Variants in NEBL observed in about 807,000 individuals in gnomAD.
NEBL encodes the protein nebulette.
Under a neutral mutation model 140.2 loss-of-function variants are expected in NEBL, and 122 were observed. The ratio of observed to expected loss-of-function variants is 0.87; its 90% CI spans 0.75 to 1.01. The LOEUF is 1.01. Among genes scored for constraint, NEBL ranks in the 50% least tolerant of loss-of-function variants. The pLI, the probability that NEBL is intolerant of heterozygous loss-of-function variation, is 0.00. For synonymous variants in NEBL, 436 were observed against 398.9 expected (o/e 1.09, Z -1.11); for missense variants, 1,365 against 1,231.3 (o/e 1.11, Z -1.62).
At chr10:20,876,280 A>G (rs928617086) in intron 5 of NEBL, among the ~76,000 whole-genome samples, 1 of 152,222 alleles carries the variant, frequency 6.6e-6, no homozygotes, top group Middle Eastern at 3.2e-3. Context: ...TATAGTTGAT[A>G]AAAGTTGTCT....
rs1170225891 is a variant in NEBL, at chr10:21,166,219, CAAAAAAAAAA to C, written c.164+6154_164+6163del. Among the ~76,000 whole-genome samples, 10 of 35,378 alleles carry C rather than the reference CAAAAAAAAAA, an allele frequency of 2.8e-4. 1 individual carries two copies. Among genetic ancestry groups the C allele is most frequent in the African/African-American group, 7.5e-4 (9 of 12,066 alleles). 23.2% of individuals were successfully genotyped at this position (35,378 alleles called of 152,430 possible). ...TGGGCGACAGAGCGAGACTGTGTCT[CAAAAAAAAAA>C]AAAAAAAAAAAAAAAAGAAAAGAAA... On this transcript the variant is annotated intron_variant, in intron 2 of 6. Coordinates refer to the NEBL transcript ENST00000417816.
intron 4 of NEBL, among the ~76,000 whole-genome samples, chr10:20,939,710 C>T (rs986105008): frequency 2.0e-5 from 3 of 151,996 alleles, no homozygotes; most frequent in African/African-American, 4.8e-5. Flanking sequence ...CAGAGACACA[C>T]ATAGGCTCAA....
chr10:21,220,831 T>C (rs140117413), intron 3 of NEBL, among the ~76,000 whole-genome samples: 2 of 152,274 alleles, frequency 1.3e-5, no homozygotes, highest in East Asian at 1.9e-4. Context: ...AATTTTAAAA[T>C]GGACAAAGGA....
At position 20,785,679 on chromosome 10, in the gene NEBL, C is replaced by A. The variant is rs1835347451; in HGVS notation, c.*68G>T. ...AATGGCCAAGTTGTCTTAAAAGTATCTTCTATCTTTTAAAAAGATTAGGTT... is the reference window on the plus strand; with the variant it reads ...AATGGCCAAGTTGTCTTAAAAGTATATTCTATCTTTTAAAAAGATTAGGTT... On this transcript the variant is annotated 3_prime_UTR_variant, in exon 28 of 28. Transcript: ENST00000377122. 3 of 1,522,468 alleles carry A rather than the reference C, an allele frequency of 2.0e-6. No individual in the cohort carries two copies. Among genetic ancestry groups the A allele is most frequent in the Non-Finnish European group, 2.7e-6 (3 of 1,114,894 alleles). The allele number at this position is 1,522,468 out of a possible 1,614,324, so 94.3% of individuals were successfully genotyped here.
At chr10:21,073,683 C>T (rs1275146372) in intron 2 of NEBL, among the ~76,000 whole-genome samples, 1 of 151,856 alleles carries the variant, frequency 6.6e-6, no homozygotes, top group Non-Finnish European at 1.5e-5. Context: ...CCACTGCTCC[C>T]TACTCCCAAA....
Position 20,819,424 on chromosome 10 carries a change from C to T in NEBL, c.2055G>A (p.Ala685=), listed in dbSNP as rs746081261. 7.4e-5 allele frequency: 119 copies of T among 1,613,832 alleles called. No homozygotes were observed. In the South Asian group the frequency reaches 1.1e-3, roughly 15 times the overall value. The stretch of plus-strand genomic sequence containing the variant: ...ATAAAAGGAAACAGAAACGACTTGC[C>T]GCACTCAGCTGCTCCTGGTTTCGCC... ...RVRRNQEQLS[A]VKYKGELQRG... The change falls in exon 20 of 28, where the codon GCG becomes GCA. Residue 685 remains alanine (A), a splice_region_variant and synonymous_variant. Coordinates refer to ENST00000377122, the MANE Select transcript of NEBL (RefSeq NM_006393.3).
chr10:20,927,257 C>T (rs939712454), intron 4 of NEBL, among the ~76,000 whole-genome samples: 1 of 152,180 alleles, frequency 6.6e-6, no homozygotes, highest in East Asian at 1.9e-4. Flanking sequence ...AACATCATAG[C>T]CGACTATGAA....
chr10:21,267,131 T>A (rs1842806690), intron 1 of NEBL, among the ~76,000 whole-genome samples: 1 of 152,094 alleles, frequency 6.6e-6, no homozygotes, highest in Non-Finnish European at 1.5e-5. Flanking sequence ...CTCGCCACCA[T>A]GCCCAGGTAA....
intron 2 of NEBL, among the ~76,000 whole-genome samples, chr10:20,892,537 C>G (rs144249479): frequency 1.3e-5 from 2 of 152,248 alleles, no homozygotes; most frequent in Non-Finnish European, 2.9e-5. Flanking sequence ...TTAGAGTTTT[C>G]CTGTTTTTAC....
rs1028679319 is a variant in NEBL at position 20,781,425 on chromosome 10, T to C, written c.*4322A>G. ...ATCAAGTTTCACACCATGCCTGTAA[T>C]AGACTTGGTGCTGCTTCCTAAATGC... On this transcript the variant is annotated 3_prime_UTR_variant, in exon 28 of 28. Transcript: ENST00000377122. 6.6e-6 allele frequency: 1 copy of C among 152,236 alleles called. No homozygotes were observed. Among genetic ancestry groups the C allele is most frequent in the Non-Finnish European group, 1.5e-5 (1 of 68,040 alleles). 9.4% of individuals were successfully genotyped at this position (152,236 alleles called of 1,614,324 possible). A position where few individuals can be genotyped will look rare whatever the true frequency, so the allele number is the denominator to read the frequency against.
chr10:20,944,910 A>G (rs1835081542), intron 4 of NEBL, among the ~76,000 whole-genome samples: 1 of 152,220 alleles, frequency 6.6e-6, no homozygotes, highest in African/African-American at 2.4e-5. Context: ...AGAGGCCACA[A>G]GATCCCATAT....
rs144337477 is a variant in NEBL at position 20,872,872 on chromosome 10, C to T, written c.481-3031G>A. 1.7e-3 allele frequency among the ~76,000 whole-genome samples: 261 copies of T among 152,278 alleles called. 2 individuals are homozygous for T. Among genetic ancestry groups the T allele is most frequent in the African/African-American group, 6.0e-3 (248 of 41,552 alleles). On this transcript the variant is annotated intron_variant, in intron 5 of 27. Transcript: ENST00000377122. ...AAAGGGGAGGCATGAATAATCCACC[C>T]CTTGTTTAGCATATCATCAAGAAAT...
chr10:21,292,521 C>T (rs1433637287), intron 1 of NEBL, among the ~76,000 whole-genome samples: 3 of 152,108 alleles, frequency 2.0e-5, no homozygotes, highest in Admixed American at 6.6e-5. Flanking sequence ...AAGTAACATT[C>T]GGGACTTTTT....
At chr10:20,944,037 AC>A (rs749662734) in intron 4 of NEBL, among the ~76,000 whole-genome samples, 2 of 152,262 alleles carry the variant, frequency 1.3e-5, no homozygotes, top group African/African-American at 2.4e-5. Context: ...CTTATGGTTC[AC>A]CATCTAACTT....
At chr10:21,252,040 G>A (rs976383680) in intron 1 of NEBL, among the ~76,000 whole-genome samples, 7 of 152,030 alleles carry the variant, frequency 4.6e-5, no homozygotes, top group Non-Finnish European at 1.0e-4. Flanking sequence ...CCCGCCCTCC[G>A]CTTCTCTTCA....
intron 3 of NEBL, among the ~76,000 whole-genome samples, chr10:20,981,645 G>A (rs1348442080): frequency 6.6e-6 from 1 of 152,056 alleles, no homozygotes; most frequent in Non-Finnish European, 1.5e-5. Context: ...TCAGTGACTT[G>A]TTCAGCCATG....
intron 2 of NEBL, among the ~76,000 whole-genome samples, chr10:21,076,112 CA>C (rs34700082): frequency 6.6e-6 from 1 of 151,348 alleles, no homozygotes; most frequent in Non-Finnish European, 1.5e-5. Flanking sequence ...ACAGCTATTA[CA>C]AAAAAAACTG....
intron 3 of NEBL, among the ~76,000 whole-genome samples, chr10:21,240,796 A>G (rs1447981573): frequency 6.6e-6 from 1 of 152,116 alleles, no homozygotes; most frequent in Non-Finnish European, 1.5e-5. Flanking sequence ...AGGATAAGTA[A>G]GTAAAATTGT....
chr10:20,837,156 G>A (rs556585034), intron 13 of NEBL, among the ~76,000 whole-genome samples: 1 of 152,072 alleles, frequency 6.6e-6, no homozygotes, highest in Non-Finnish European at 1.5e-5. Context: ...GTGAGGAAAG[G>A]ATGTCAAAAG....
Sources: gnomAD v4.1 joint callset for allele counts (sites outside exome capture counted in the v4.1 genomes callset) on GRCh38, gnomAD v4.1.1 for gene constraint, MANE v1.5 for transcripts, NCBI Gene and HGNC (gene_info 2026-07-23, HGNC 2026-07-21) for gene names.